Variants in FNBP1 observed in about 807,000 individuals in gnomAD.
FNBP1 encodes the protein formin-binding protein 1.
FNBP1 carries 26 observed loss-of-function variants against 90.6 expected under a neutral mutation model. That is an observed-to-expected ratio of 0.29 (90% CI 0.21 to 0.40). The LOEUF is 0.40. Ranked by LOEUF, FNBP1 falls within the 10% of genes least tolerant of loss-of-function variation. The pLI is 1.00. For missense variants in FNBP1, 635 were observed against 768.0 expected (o/e 0.83, Z 2.05); for synonymous variants, 260 against 265.2 (o/e 0.98, Z 0.19).
In FNBP1 at chr9:129,944,010, C is replaced by A. The variant is rs1427197752; in HGVS notation, c.513+13350G>T. On this transcript the variant is annotated intron_variant, in intron 6 of 16. Coordinates refer to ENST00000446176, the MANE Select transcript of FNBP1 (RefSeq NM_015033.3). ...TCCATCTCAAAAAAAAAAAAAAAAA[C>A]CTGCTATCGTTCTGATGATCTTCAC... Among the ~76,000 whole-genome samples the A allele has an allele frequency of 1.3e-3, 45 of 35,794 alleles. 1 individual carries two copies. The highest frequency in any genetic ancestry group is 0.021 in the Middle Eastern group (1 of 48). 23.5% of individuals were successfully genotyped at this position (35,794 alleles called of 152,430 possible).
intron 1 of FNBP1, among the ~76,000 whole-genome samples, chr9:130,011,065 A>T (rs1240148319): frequency 6.6e-6 from 1 of 150,722 alleles, no homozygotes; most frequent in Non-Finnish European, 1.5e-5. Flanking sequence ...AGCAAGAGAC[A>T]GTTAGGTGGG....
rs540056428 is a variant in FNBP1, at chr9:129,903,108, C to T, written c.1296-107G>A. On this transcript the variant is annotated intron_variant, in intron 12 of 16. Coordinates refer to ENST00000446176, the MANE Select transcript of FNBP1 (RefSeq NM_015033.3). ...AGTGCAATGGTGCGATCTCGGCTCA[C>T]TGCAACGATCTTGGCTCACTGCAAC... is the stretch of plus-strand genomic sequence containing the variant. 1.3e-4 allele frequency: 142 copies of T among 1,077,942 alleles called. No homozygotes were observed. In the African/African-American group the frequency reaches 1.8e-3, roughly 14 times the overall value. 66.8% of individuals were successfully genotyped at this position (1,077,942 alleles called of 1,614,324 possible).
At chr9:129,942,694 C>T (rs766038051) in intron 6 of FNBP1, among the ~76,000 whole-genome samples, 27 of 152,144 alleles carry the variant, frequency 1.8e-4, no homozygotes, top group Non-Finnish European at 8.8e-5. Context: ...TAGGTTTACC[C>T]TATTTATCTA....
chr9:129,953,620 C>A (rs2046492784), intron 6 of FNBP1, among the ~76,000 whole-genome samples: 1 of 151,822 alleles, frequency 6.6e-6, no homozygotes, highest in Non-Finnish European at 1.5e-5. Context: ...AAAGAAAGGA[C>A]AAATATCTGG....
rs3830432 is a variant in FNBP1 at position 129,979,476 on chromosome 9, C to CA, written c.141-103dup. On this transcript the variant is annotated intron_variant, in intron 2 of 16. Coordinates refer to ENST00000446176, the MANE Select transcript of FNBP1 (RefSeq NM_015033.3). ...GCTTTTGTTACAAGTTTAAAACAAA[C>CA]AAAAAAAGTCCACAGCTGAAATCCA... 231 of 794,338 alleles carry CA rather than the reference C, an allele frequency of 2.9e-4. 1 individual carries two copies. The highest frequency in any genetic ancestry group is 7.4e-4 in the African/African-American group (43 of 58,192). The allele number at this position is 794,338 out of a possible 1,614,324, so 49.2% of individuals were successfully genotyped here.
At chr9:129,923,745 G>T in intron 10 of FNBP1, 99 bp downstream of exon 10, 1 of 1,297,848 alleles carries the variant, frequency 7.7e-7, no homozygotes, top group South Asian at 1.9e-5. Flanking sequence ...TATGTTATGG[G>T]AAAACACAAT....
intron 1 of FNBP1, among the ~76,000 whole-genome samples, chr9:130,026,984 G>T (rs568829508): frequency 1.4e-5 from 2 of 146,974 alleles, no homozygotes; most frequent in Non-Finnish European, 3.0e-5. Flanking sequence ...AAAAAAAAAA[G>T]TTTTGTCTTT....
At chr9:129,938,838 G>A (rs1049190695) in intron 6 of FNBP1, among the ~76,000 whole-genome samples, 31 of 152,166 alleles carry the variant, frequency 2.0e-4, no homozygotes, top group African/African-American at 7.5e-4. Flanking sequence ...AGGGAGGCTG[G>A]TAGAAATTCA....
At chr9:130,037,612 G>C (rs1336952040) in intron 1 of FNBP1, among the ~76,000 whole-genome samples, 1 of 151,954 alleles carries the variant, frequency 6.6e-6, no homozygotes, top group Non-Finnish European at 1.5e-5. Flanking sequence ...AACAGAGAAG[G>C]GATAATTTTT....
At chr9:129,999,709 C>A (rs1404299528) in intron 1 of FNBP1, among the ~76,000 whole-genome samples, 2 of 151,942 alleles carry the variant, frequency 1.3e-5, no homozygotes, top group Non-Finnish European at 2.9e-5. Flanking sequence ...GGTATTTATT[C>A]ATTTAAAAAG....
intron 1 of FNBP1, among the ~76,000 whole-genome samples, chr9:130,020,737 T>C (rs944299578): frequency 1.3e-5 from 2 of 152,196 alleles, no homozygotes; most frequent in African/African-American, 4.8e-5. Flanking sequence ...CTTAAGTTTC[T>C]TGCACTGTGC....
chr9:130,043,187 C>A lies in FNBP1; in HGVS notation c.-212G>T. 1 of 371,662 alleles carries A rather than the reference C, an allele frequency of 2.7e-6. No individual in the cohort carries two copies. Among genetic ancestry groups the A allele is most frequent in the South Asian group, 1.4e-4 (1 of 6,942 alleles). 23.0% of individuals were successfully genotyped at this position (371,662 alleles called of 1,614,324 possible). On this transcript the variant is annotated 5_prime_UTR_variant, in exon 1 of 17. Coordinates refer to ENST00000446176, the MANE Select transcript of FNBP1 (RefSeq NM_015033.3). Reference sequence around the variant, plus strand: ...CAAAATGGCCCGAGGAAGCAGCAGCCGCGGCCGCCGCAGCGCCCGCCCGCC... The same window carrying A: ...CAAAATGGCCCGAGGAAGCAGCAGCAGCGGCCGCCGCAGCGCCCGCCCGCC...
intron 1 of FNBP1, among the ~76,000 whole-genome samples, chr9:130,017,822 T>A (rs1269088258): frequency 3.5e-5 from 5 of 143,088 alleles, no homozygotes; most frequent in Non-Finnish European, 7.6e-5. Context: ...AGAGTGAGAC[T>A]CCATCAAAAA....
chr9:130,036,452 C>T (rs539457588), intron 1 of FNBP1, among the ~76,000 whole-genome samples: 2 of 152,116 alleles, frequency 1.3e-5, no homozygotes, highest in South Asian at 2.1e-4. Context: ...ACCAAAATGG[C>T]AATTTACACA....
At chr9:130,040,258 TG>T (rs2059702640) in intron 1 of FNBP1, among the ~76,000 whole-genome samples, 1 of 145,682 alleles carries the variant, frequency 6.9e-6, no homozygotes, top group Non-Finnish European at 1.5e-5. Flanking sequence ...AGCACAATCA[TG>T]TGTTCATTCC....
chr9:129,920,285 C>T (rs985134821), intron 10 of FNBP1, among the ~76,000 whole-genome samples: 7 of 152,188 alleles, frequency 4.6e-5, no homozygotes, highest in Non-Finnish European at 7.4e-5. Flanking sequence ...TTTCCGATTC[C>T]CATTTCACTG....
chr9:129,986,073 T>C (rs542646504), intron 2 of FNBP1, among the ~76,000 whole-genome samples: 2 of 150,910 alleles, frequency 1.3e-5, no homozygotes, highest in African/African-American at 4.9e-5. Flanking sequence ...GAGGCTGAGG[T>C]TGCAGTGAGC....
At chr9:129,923,807 G>T (rs1157763747) in intron 10 of FNBP1, 37 bp downstream of exon 10, 2 of 1,520,194 alleles carry the variant, frequency 1.3e-6, no homozygotes, top group Non-Finnish European at 1.8e-6. Flanking sequence ...TGCAACCAAA[G>T]CACGCCAGAG....
intron 1 of FNBP1, among the ~76,000 whole-genome samples, chr9:130,019,828 G>A (rs193129158): frequency 1.7e-4 from 26 of 152,228 alleles, no homozygotes; most frequent in African/African-American, 4.8e-4. Flanking sequence ...AAAGTGCTGG[G>A]ATTACAGGCG....
Sources: gnomAD v4.1 joint callset for allele counts (sites outside exome capture counted in the v4.1 genomes callset) on GRCh38, gnomAD v4.1.1 for gene constraint, MANE v1.5 for transcripts, NCBI Gene and HGNC (gene_info 2026-07-23, HGNC 2026-07-21) for gene names.